Variants in MLXIP observed in about 807,000 individuals in gnomAD.
The protein encoded by MLXIP is MLX-interacting protein.
Under a neutral mutation model 87.2 loss-of-function variants are expected in MLXIP, and 30 were observed. That is an observed-to-expected ratio of 0.34 (90% CI 0.26 to 0.47). The LOEUF is 0.47. MLXIP is among the 20% of genes least tolerant of loss of function. The probability of loss-of-function intolerance (pLI) is 1.00; values close to 1 mark genes in which losing one functional copy is unlikely to be tolerated. For missense variants in MLXIP, 1,002 were observed against 1,240.1 expected (o/e 0.81, Z 2.88); for synonymous variants, 530 against 514.0 (o/e 1.03, Z -0.42).
At chr12:122,121,010 G>GTTTTTTTTGTTTTTTTTTTTTTTTTT (rs1952771936) in intron 1 of MLXIP, among the ~76,000 whole-genome samples, 2 of 111,908 alleles carry the variant, frequency 1.8e-5, no homozygotes, top group Middle Eastern at 4.4e-3. Context: ...TGCATGCTTG[G>GTTTTTTTTGTTTTTTTTTTTTTTTTT]TTTTTTTTTT....
Position 122,121,307 on chromosome 12 carries a change from C to CTTTTTTTTTTTT in MLXIP, c.414-5939_414-5928dup, listed in dbSNP as rs35967072. Among the ~76,000 whole-genome samples the CTTTTTTTTTTTT allele has an allele frequency of 4.2e-5, 5 of 118,226 alleles. 2 individuals carry two copies. The highest frequency in any genetic ancestry group is 1.8e-4 in the Admixed American group (2 of 11,364). The allele number at this position is 118,226 out of a possible 152,430, so 77.6% of individuals were successfully genotyped here. On this transcript the variant is annotated intron_variant, in intron 1 of 16. Coordinates refer to ENST00000319080, the MANE Select transcript of MLXIP (RefSeq NM_014938.6). The stretch of plus-strand genomic sequence containing the variant: ...CCAGGCGCGAGCCACTGTGCCCAGC[C>CTTTTTTTTTTTT]TTTTTTTTTTTTTTTTTTTTTAAAT...
chr12:122,116,484 G>C (rs1445948273), intron 1 of MLXIP, among the ~76,000 whole-genome samples: 1 of 152,194 alleles, frequency 6.6e-6, no homozygotes, highest in Non-Finnish European at 1.5e-5. Flanking sequence ...GATGCAAATT[G>C]AAGTGAAATA....
At chr12:122,124,692 A>G (rs1031196658) in intron 1 of MLXIP, among the ~76,000 whole-genome samples, 1 of 151,638 alleles carries the variant, frequency 6.6e-6, no homozygotes, top group East Asian at 2.0e-4. Context: ...CCTTCAATAT[A>G]TGTACCTACT....
chr12:122,120,909 G>A (rs377358275), intron 1 of MLXIP, among the ~76,000 whole-genome samples: 4 of 151,684 alleles, frequency 2.6e-5, no homozygotes, highest in Non-Finnish European at 4.4e-5. Context: ...GTGAAGAAAC[G>A]TTGTCCCATG....
chr12:122,123,127 T>C (rs1405207882), intron 1 of MLXIP, among the ~76,000 whole-genome samples: 4 of 152,178 alleles, frequency 2.6e-5, no homozygotes, highest in Admixed American at 2.6e-4. Flanking sequence ...GCCAGGCCCA[T>C]CAGGAGCCTG....
At chr12:122,131,624 A>AT (rs528746519) in intron 7 of MLXIP, among the ~76,000 whole-genome samples, 2 of 150,658 alleles carry the variant, frequency 1.3e-5, no homozygotes, top group South Asian at 4.2e-4. Flanking sequence ...TCATTTCTTC[A>AT]TTTTTTTGTA....
chr12:122,100,399 C>T (rs1052330069), intron 1 of MLXIP, among the ~76,000 whole-genome samples: 2 of 152,164 alleles, frequency 1.3e-5, no homozygotes, highest in Non-Finnish European at 2.9e-5. Flanking sequence ...TTTGTTTAAT[C>T]ATCTCTTTTA....
rs115814196 is a variant in MLXIP, at chr12:122,145,590, G to C, written c.*3778G>C. On this transcript the variant is annotated 3_prime_UTR_variant, in exon 17 of 17. Coordinates refer to ENST00000319080, the MANE Select transcript of MLXIP (RefSeq NM_014938.6). ...GTCTCTCTCATAGAGGGGAGCTGCA[G>C]CTGAGAACTGGCGAGGCCCCTTCCT... 1 of 152,320 alleles carries C rather than the reference G, an allele frequency of 6.6e-6. No individual in the cohort carries two copies. Among genetic ancestry groups the C allele is most frequent in the Non-Finnish European group, 1.5e-5 (1 of 68,134 alleles). The allele number at this position is 152,320 out of a possible 1,614,324, so 9.4% of individuals were successfully genotyped here.
rs1342884033 is a variant in MLXIP, at chr12:122,141,886, C to G, written c.*74C>G. 19 of 1,576,390 alleles carry G rather than the reference C, an allele frequency of 1.2e-5. No individual in the cohort carries two copies. The highest frequency in any genetic ancestry group is 1.5e-5 in the Non-Finnish European group (18 of 1,162,302). ...GCCCATGGAGAGTAGGCTGCGCCCC[C>G]CAGCCCTTCCTGACGCTCAGCCTCG... On this transcript the variant is annotated 3_prime_UTR_variant, in exon 17 of 17. Coordinates refer to ENST00000319080, the MANE Select transcript of MLXIP (RefSeq NM_014938.6).
rs961692140 is a variant in MLXIP at position 122,129,636 on chromosome 12, G to T, written c.738+7G>T. On this transcript the variant is annotated splice_region_variant and intron_variant, in intron 5 of 16. Coordinates refer to ENST00000319080, the MANE Select transcript of MLXIP (RefSeq NM_014938.6). The stretch of plus-strand genomic sequence containing the variant: ...CCTCTCCAGCCTGGTCCAGGTGGGT[G>T]AGCCTGGGAGCTCTGAGGACCCCCA... The T allele has an allele frequency of 6.2e-7, 1 of 1,603,506 alleles. No homozygotes were observed. The highest frequency in any genetic ancestry group is 8.5e-7 in the Non-Finnish European group (1 of 1,177,240).
In MLXIP at chr12:122,143,450, G is replaced by A. The variant is rs1170109882; in HGVS notation, c.*1638G>A. On this transcript the variant is annotated 3_prime_UTR_variant, in exon 17 of 17. Coordinates refer to ENST00000319080, the MANE Select transcript of MLXIP (RefSeq NM_014938.6). Reference sequence around the variant, plus strand: ...TACAGGCTTTCCAGATCACCTTCCTGTGGGGTGAACGTAATGAGGCGGGGC... The same window carrying A: ...TACAGGCTTTCCAGATCACCTTCCTATGGGGTGAACGTAATGAGGCGGGGC... 1.3e-5 allele frequency: 2 copies of A among 152,370 alleles called. No individual in the cohort carries two copies. Among genetic ancestry groups the A allele is most frequent in the Admixed American group, 6.5e-5 (1 of 15,288 alleles). 9.4% of individuals were successfully genotyped at this position (152,370 alleles called of 1,614,324 possible). A position where few individuals can be genotyped will look rare whatever the true frequency, so the allele number is the denominator to read the frequency against.
rs1405841295 is a variant in MLXIP at position 122,135,539 on chromosome 12, C to T, written c.1905C>T (p.Gly635=). 1.9e-6 allele frequency: 3 copies of T among 1,606,564 alleles called. No individual in the cohort carries two copies. The African/African-American group carries it at 4.0e-5, about 22-fold the overall frequency. ...FHSSILVTDL[G]HGTSSPPAPV... is the part of the protein sequence containing the mutation. ...GCAGCATCCTGGTGACAGATCTCGG[C>T]CATGGCACGAGCAGCCCGCCTGCCC... is the stretch of plus-strand genomic sequence containing the variant. The change falls in exon 11 of 17, where the codon GGC becomes GGT. Residue 635 remains glycine (G), a synonymous_variant. Transcript: ENST00000319080. This position sits in a 1 kb window ranked among gnomAD's most constrained non-coding sequence, Gnocchi z 5.3.
At chr12:122,086,014 A>C (rs977792024) in intron 1 of MLXIP, among the ~76,000 whole-genome samples, 1 of 152,178 alleles carries the variant, frequency 6.6e-6, no homozygotes, top group East Asian at 1.9e-4. Flanking sequence ...TTAAGAGGGA[A>C]TCAAAGAGAG....
intron 15 of MLXIP, 78 bp downstream of exon 15, chr12:122,139,016 C>G: frequency 6.3e-7 from 1 of 1,575,430 alleles, no homozygotes; most frequent in Non-Finnish European, 8.6e-7. Context: ...ACTGTAGTTA[C>G]TTTAGAAAGA....
rs960855122 is a variant in MLXIP at position 122,088,066 on chromosome 12, G to A, written c.413+8800G>A. Among the ~76,000 whole-genome samples the A allele has an allele frequency of 2.8e-4, 43 of 152,296 alleles. 1 individual carries two copies. Among genetic ancestry groups the A allele is most frequent in the Middle Eastern group, 3.4e-3 (1 of 294 alleles). The stretch of plus-strand genomic sequence containing the variant: ...TGCCTGGGGGCTGCCCTGACAGCCA[G>A]AGCCGTGGGCGGGCAGCTTCCCTGA... On this transcript the variant is annotated intron_variant, in intron 1 of 16. Coordinates refer to ENST00000319080, the MANE Select transcript of MLXIP (RefSeq NM_014938.6).
chr12:122,112,351 T>G (rs116338507), intron 1 of MLXIP, among the ~76,000 whole-genome samples: 1 of 152,160 alleles, frequency 6.6e-6, no homozygotes, highest in African/African-American at 2.4e-5. Flanking sequence ...TAAAAATGTA[T>G]GTACAGGCCG....
chr12:122,135,223 G>A lies in MLXIP; in HGVS notation c.1733-1G>A. On this transcript the variant is annotated splice_acceptor_variant, in intron 9 of 16. Coordinates refer to ENST00000319080, the MANE Select transcript of MLXIP (RefSeq NM_014938.6). LOFTEE classifies it high-confidence loss of function. The surrounding 1 kb of genome is among the most constrained non-coding windows in gnomAD (Gnocchi z 5.3). ...CCTGAACATCCTCCTTATCCTGGCA[G>A]CTGCCTTTTCAGGCCAACCACAAGC... 6.8e-6 allele frequency: 11 copies of A among 1,612,990 alleles called. No individual in the cohort carries two copies. The highest frequency in any genetic ancestry group is 9.3e-6 in the Non-Finnish European group (11 of 1,179,678).
At position 122,078,772 on chromosome 12, in the gene MLXIP, G is replaced by A. The variant is rs920571204; in HGVS notation, c.-82G>A. 9.9e-7 allele frequency: 1 copy of A among 1,012,190 alleles called. No homozygotes were observed. Among genetic ancestry groups the A allele is most frequent in the South Asian group, 4.6e-5 (1 of 21,576 alleles). The allele number at this position is 1,012,190 out of a possible 1,614,324, so 62.7% of individuals were successfully genotyped here. A position where few individuals can be genotyped will look rare whatever the true frequency, so the allele number is the denominator to read the frequency against. On this transcript the variant is annotated 5_prime_UTR_variant, in exon 1 of 17. Transcript: ENST00000319080. ...CTCGCGGACAGTCGGCGCGCGGGCCGGGCCGGGCCGGCGCCCCTCTGCCTC... is the reference window on the plus strand; with the variant it reads ...CTCGCGGACAGTCGGCGCGCGGGCCAGGCCGGGCCGGCGCCCCTCTGCCTC...
At chr12:122,132,450 G>T (rs1405702846) in intron 8 of MLXIP, 67 bp downstream of exon 8, 8 of 1,308,642 alleles carry the variant, frequency 6.1e-6, no homozygotes, top group Non-Finnish European at 8.6e-6. Context: ...TCAAAGGTTT[G>T]CTGCCAGAGC....
Sources: gnomAD v4.1 joint callset for allele counts (sites outside exome capture counted in the v4.1 genomes callset) on GRCh38, gnomAD v4.1.1 for gene constraint, Gnocchi (gnomAD v3.1) non-coding constraint, MANE v1.5 for transcripts, NCBI Gene and HGNC (gene_info 2026-07-23, HGNC 2026-07-21) for gene names.